The following SAMD5 variants were observed in gnomAD, a reference collection of about 807,000 sequenced individuals.
SAMD5 encodes sterile alpha motif domain containing 5, also known as sterile alpha motif domain-containing protein 5.
A neutral mutation model predicts 11.3 loss-of-function variants in SAMD5; 13 were observed. That is an observed-to-expected ratio of 1.15 (90% CI 0.75 to 1.83). SAMD5 has a LOEUF of 1.83. Among genes scored for constraint, SAMD5 ranks in the 40% most tolerant of loss-of-function variants. The pLI is 0.00. For missense variants in SAMD5, 255 were observed against 239.1 expected (o/e 1.07, Z -0.44); for synonymous variants, 129 against 111.3 (o/e 1.16, Z -1.00).
At chr6:147,894,389 TG>T in the SAMD5 span, among the ~76,000 whole-genome samples, 11 of 152,318 alleles carry the variant, frequency 7.2e-5, 1 homozygote, top group African/African-American at 2.6e-4. Context: ...CCCAAAGTGC[TG>T]GGATTACAGT....
At chr6:147,824,135 A>G in the SAMD5 span, among the ~76,000 whole-genome samples, 1 of 152,200 alleles carries the variant, frequency 6.6e-6, no homozygotes, top group Admixed American at 6.5e-5. Flanking sequence ...GGTACTTGGA[A>G]GTCTTTAGCA....
intron 1 of SAMD5, among the ~76,000 whole-genome samples, chr6:147,668,609 C>T (rs141167752): frequency 1.4e-4 from 21 of 151,860 alleles, no homozygotes; most frequent in African/African-American, 4.8e-4. Flanking sequence ...TTTGGGAGGC[C>T]GAGGCAGGTG....
At chr6:147,949,026 T>A in the SAMD5 span, among the ~76,000 whole-genome samples, 1 of 152,196 alleles carries the variant, frequency 6.6e-6, no homozygotes, top group African/African-American at 2.4e-5. Context: ...GATTTCAAAC[T>A]TGCATAGGCT....
chr6:147,815,353 G>A, the SAMD5 span, among the ~76,000 whole-genome samples: 5 of 152,188 alleles, frequency 3.3e-5, no homozygotes, highest in African/African-American at 9.7e-5. Context: ...GAAAATACAC[G>A]TGATAGTATA....
the SAMD5 span, among the ~76,000 whole-genome samples, chr6:147,950,914 C>T: frequency 6.6e-6 from 1 of 151,714 alleles, no homozygotes; most frequent in Non-Finnish European, 1.5e-5. Flanking sequence ...CTTTCTCTTC[C>T]CACCGTCGTT....
chr6:147,570,556 C>T (rs1452354207), downstream of SAMD5, among the ~76,000 whole-genome samples: 1 of 152,164 alleles, frequency 6.6e-6, no homozygotes, highest in Non-Finnish European at 1.5e-5. Flanking sequence ...ATGCTTAACA[C>T]AGTCACCAGT....
chr6:147,853,779 T>C, the SAMD5 span, among the ~76,000 whole-genome samples: 76 of 152,194 alleles, frequency 5.0e-4, no homozygotes, highest in Non-Finnish European at 1.9e-4. Flanking sequence ...TGCTTTATCA[T>C]CGTTAATGAA....
the SAMD5 span, among the ~76,000 whole-genome samples, chr6:147,876,429 C>T: frequency 1.3e-5 from 2 of 152,286 alleles, no homozygotes; most frequent in East Asian, 1.9e-4. Context: ...AAATGAATTA[C>T]GGTCTTCAGG....
chr6:147,877,881 C>CACACACGATA, the SAMD5 span, among the ~76,000 whole-genome samples: 19 of 82,364 alleles, frequency 2.3e-4, no homozygotes, highest in African/African-American at 8.8e-4. Context: ...CACACACACA[C>CACACACGATA]GATAGATAGA....
chr6:147,557,418 A>G (rs1480050216), intron 1 of SAMD5, among the ~76,000 whole-genome samples: 5 of 152,204 alleles, frequency 3.3e-5, no homozygotes, highest in African/African-American at 1.2e-4. Context: ...TCTGAAATCA[A>G]CGTGTCAGCA....
At position 147,608,433 on chromosome 6, in the gene SAMD5, A is replaced by G. The variant is rs139464593; in HGVS notation, c.162+99046A>G. Among the ~76,000 whole-genome samples the G allele has an allele frequency of 4.8e-3, 737 of 152,348 alleles. 8 individuals are homozygous for G. Among genetic ancestry groups the G allele is most frequent in the African/African-American group, 0.017 (701 of 41,570 alleles). On this transcript the variant is annotated intron_variant, in intron 1 of 1. Transcript: ENST00000566741. ...GAACAGATAAGAAAATGTGGTACAT[A>G]TACACAATGGAGTACTATTCAGCCA...
chr6:147,593,280 T>G (rs1051954903), intron 1 of SAMD5, among the ~76,000 whole-genome samples: 7 of 152,156 alleles, frequency 4.6e-5, no homozygotes, highest in African/African-American at 1.7e-4. Context: ...CTAACAGAGC[T>G]GAGAGTCTAG....
chr6:147,811,115 A>G, the SAMD5 span, among the ~76,000 whole-genome samples: 2 of 152,234 alleles, frequency 1.3e-5, no homozygotes, highest in Non-Finnish European at 2.9e-5. Flanking sequence ...TGTGAATACA[A>G]TGTTCGGCAT....
Position 147,564,807 on chromosome 6 carries a change from A to G in SAMD5, c.*351A>G. On this transcript the variant is annotated 3_prime_UTR_variant, in exon 2 of 2. Transcript: ENST00000367474. ...AGGCATTTGAGTCATAACTTAGTTT[A>G]AGTACAATATAACAAAAAGGTAGAT... The G allele has an allele frequency of 2.0e-6, 2 of 994,764 alleles. No homozygotes were observed. The highest frequency in any genetic ancestry group is 2.4e-6 in the Non-Finnish European group (2 of 833,850). 61.6% of individuals were successfully genotyped at this position (994,764 alleles called of 1,614,324 possible). A position where few individuals can be genotyped will look rare whatever the true frequency, so the allele number is the denominator to read the frequency against.
chr6:147,946,107 T>A, the SAMD5 span, among the ~76,000 whole-genome samples: 4 of 152,152 alleles, frequency 2.6e-5, no homozygotes, highest in African/African-American at 9.7e-5. Context: ...TTGCCTATAC[T>A]CATATCATAT....
At chr6:147,625,882 C>T (rs1790044185) in intron 1 of SAMD5, among the ~76,000 whole-genome samples, 1 of 152,174 alleles carries the variant, frequency 6.6e-6, no homozygotes, top group African/African-American at 2.4e-5. Context: ...AAAAGAACCC[C>T]ACTTTGGTTC....
downstream of SAMD5, among the ~76,000 whole-genome samples, chr6:147,572,185 A>G (rs566596801): frequency 4.5e-4 from 67 of 149,442 alleles, no homozygotes; most frequent in South Asian, 0.013. Flanking sequence ...GTTATGTGAG[A>G]TGGTTAGACA....
intron 1 of SAMD5, among the ~76,000 whole-genome samples, chr6:147,602,539 T>A (rs1789633672): frequency 1.3e-5 from 2 of 151,244 alleles, no homozygotes; most frequent in South Asian, 4.2e-4. Context: ...GGGTCAGGAG[T>A]TCAAGACCAG....
At chr6:147,663,791 C>CA (rs199707045) in intron 1 of SAMD5, among the ~76,000 whole-genome samples, 8,272 of 82,730 alleles carry the variant, frequency 0.1, 567 homozygotes, top group East Asian at 0.25. Flanking sequence ...AACTCTGTCT[C>CA]AAAAAAAAAA....
Sources: allele counts gnomAD v4.1 joint callset (sites outside exome capture counted in the v4.1 genomes callset), GRCh38; gene constraint gnomAD v4.1.1; transcripts MANE v1.5; gene names NCBI Gene and HGNC (gene_info 2026-07-23, HGNC 2026-07-21).